Variants in WDFY4 observed in about 807,000 individuals in gnomAD.
WDFY4 encodes WDFY family member 4.
A neutral mutation model predicts 351.9 loss-of-function variants in WDFY4; 169 were observed. That is an observed-to-expected ratio of 0.48 (90% CI 0.42 to 0.55). The LOEUF (loss-of-function observed/expected upper bound fraction) is 0.55. WDFY4 is among the 20% of genes least tolerant of loss of function. The pLI, the probability that WDFY4 is intolerant of heterozygous loss-of-function variation, is 0.00. For missense variants in WDFY4, 3,803 were observed against 3,935.6 expected (o/e 0.97, Z 0.90); for synonymous variants, 1,622 against 1,574.6 (o/e 1.03, Z -0.71).
intron 13 of WDFY4, among the ~76,000 whole-genome samples, chr10:48,773,374 T>C (rs2065929123): frequency 6.6e-6 from 1 of 152,228 alleles, no homozygotes; most frequent in Admixed American, 6.5e-5. Flanking sequence ...CGACATCTTA[T>C]CCAGCAACAA....
intron 1 of WDFY4, among the ~76,000 whole-genome samples, chr10:48,687,084 G>A (rs1206796510): frequency 2.0e-5 from 3 of 152,054 alleles, no homozygotes; most frequent in African/African-American, 7.2e-5. Flanking sequence ...AGCTATCTTA[G>A]CATGTTTTTA....
rs185887642 is a variant in WDFY4, at chr10:48,688,624, C to G, written c.-18+3623C>G. ...GACTGATTCTTGTTCAAAATGCAAG[C>G]ATTTTAAACAAGAATCATTTTAGGT... On this transcript the variant is annotated intron_variant, in intron 1 of 61. Transcript: ENST00000325239. Among the ~76,000 whole-genome samples, 232 of 152,076 alleles carry G rather than the reference C, an allele frequency of 1.5e-3. 1 individual carries two copies. Among genetic ancestry groups the G allele is most frequent in the African/African-American group, 5.4e-3 (226 of 41,482 alleles).
intron 2 of WDFY4, among the ~76,000 whole-genome samples, chr10:48,716,509 A>T (rs779222363): frequency 2.6e-5 from 4 of 152,216 alleles, no homozygotes; most frequent in Non-Finnish European, 5.9e-5. Context: ...GCCTTTTGGA[A>T]GCTGCCTTAA....
At chr10:48,977,856 T>C (rs1233319857) in intron 59 of WDFY4, among the ~76,000 whole-genome samples, 3 of 152,162 alleles carry the variant, frequency 2.0e-5, no homozygotes, top group Non-Finnish European at 4.4e-5. Context: ...TGAGAAGCCA[T>C]TTTGAGTGAG....
At chr10:48,794,564 G>A (rs1010031714) in intron 23 of WDFY4, among the ~76,000 whole-genome samples, 46 of 152,086 alleles carry the variant, frequency 3.0e-4, no homozygotes, top group Non-Finnish European at 4.6e-4. Flanking sequence ...AAAAGAAGCT[G>A]TACAGAGAGA....
chr10:48,764,707 TG>T (rs2065614275), intron 13 of WDFY4, among the ~76,000 whole-genome samples: 2 of 152,256 alleles, frequency 1.3e-5, no homozygotes, highest in African/African-American at 4.8e-5. Context: ...GGAGCCAGAC[TG>T]TGTAGCTGCC....
At chr10:48,818,206 C>T (rs1413787956) in intron 32 of WDFY4, among the ~76,000 whole-genome samples, 1 of 152,176 alleles carries the variant, frequency 6.6e-6, no homozygotes, top group Non-Finnish European at 1.5e-5. Flanking sequence ...CTAACCGTGT[C>T]TTCCTGCAAG....
chr10:48,808,188 T>TA (rs2067322795), intron 28 of WDFY4, among the ~76,000 whole-genome samples: 2 of 152,226 alleles, frequency 1.3e-5, no homozygotes, highest in African/African-American at 4.8e-5. Context: ...ACAGATTTGG[T>TA]ATAATTACAA....
At chr10:48,737,309 C>G (rs2064702799) in intron 11 of WDFY4, among the ~76,000 whole-genome samples, 1 of 151,884 alleles carries the variant, frequency 6.6e-6, no homozygotes, top group Non-Finnish European at 1.5e-5. Context: ...CGTGCCTGGC[C>G]AACACGCTCA....
chr10:48,883,765 C>T (rs898087212), intron 43 of WDFY4, among the ~76,000 whole-genome samples: 11 of 152,190 alleles, frequency 7.2e-5, no homozygotes, highest in African/African-American at 2.7e-4. Context: ...ATCATCCTGG[C>T]CCTGGGGGAT....
intron 43 of WDFY4, among the ~76,000 whole-genome samples, chr10:48,886,647 C>A (rs535355475): frequency 6.6e-6 from 1 of 152,188 alleles, no homozygotes; most frequent in Non-Finnish European, 1.5e-5. Context: ...TCCACCAGAA[C>A]CAATAGCCAA....
intron 14 of WDFY4, among the ~76,000 whole-genome samples, 197 bp from the exon 15 acceptor site, chr10:48,775,515 A>G (rs1483202788): frequency 1.3e-5 from 2 of 152,168 alleles, no homozygotes; most frequent in East Asian, 1.9e-4. Context: ...TGAGGCTCCT[A>G]AACTTACCAG....
chr10:48,787,949 T>TCC, intron 20 of WDFY4, among the ~76,000 whole-genome samples: 1 of 110,484 alleles, frequency 9.1e-6, no homozygotes, highest in Non-Finnish European at 1.8e-5. Context: ...CTTCTTCTTC[T>TCC]TCTTCTTCTT....
At chr10:48,694,499 C>G (rs2063279970) in intron 1 of WDFY4, among the ~76,000 whole-genome samples, 2 of 152,088 alleles carry the variant, frequency 1.3e-5, no homozygotes, top group Non-Finnish European at 2.9e-5. Context: ...TAGAGCATCC[C>G]TTTACCCGTC....
At chr10:48,780,175 C>G in intron 19 of WDFY4, 56 bp downstream of exon 19, 1 of 1,523,256 alleles carries the variant, frequency 6.6e-7, no homozygotes, top group African/African-American at 1.4e-5. Flanking sequence ...CTGCTACTAC[C>G]CTGAAGTGGC....
At chr10:48,969,605 G>A (rs532089082) in intron 56 of WDFY4, among the ~76,000 whole-genome samples, 1 of 152,248 alleles carries the variant, frequency 6.6e-6, no homozygotes, top group East Asian at 1.9e-4. Context: ...GACACATGTT[G>A]AGCATTTGGG....
chr10:48,808,889 C>A (rs1347597323), intron 28 of WDFY4, among the ~76,000 whole-genome samples: 1 of 152,168 alleles, frequency 6.6e-6, no homozygotes, highest in Non-Finnish European at 1.5e-5. Flanking sequence ...TACTTAAGCC[C>A]TGTATGCCTC....
chr10:48,775,381 C>A (rs190264747), intron 14 of WDFY4, among the ~76,000 whole-genome samples: 9 of 152,280 alleles, frequency 5.9e-5, no homozygotes, highest in Admixed American at 3.3e-4. Flanking sequence ...GACCCAGGGG[C>A]GGGCACGACA....
At position 48,982,892 on chromosome 10, in the gene WDFY4, T is replaced by G; in HGVS notation, c.*317T>G. On this transcript the variant is annotated 3_prime_UTR_variant, in exon 62 of 62. Coordinates refer to ENST00000325239, the MANE Select transcript of WDFY4 (RefSeq NM_001394531.1). ...GCTATTGCACTGAAAAAAAAAAAGA[T>G]GGGTCGCTTACTGGAAATTATTGTA... 2.6e-6 allele frequency: 1 copy of G among 386,516 alleles called. No individual in the cohort carries two copies. The highest frequency in any genetic ancestry group is 2.0e-5 in the South Asian group (1 of 49,714). The allele number at this position is 386,516 out of a possible 1,614,324, so 23.9% of individuals were successfully genotyped here. A position where few individuals can be genotyped will look rare whatever the true frequency, so the allele number is the denominator to read the frequency against.
Sources: gnomAD v4.1 joint callset for allele counts (sites outside exome capture counted in the v4.1 genomes callset) on GRCh38, gnomAD v4.1.1 for gene constraint, MANE v1.5 for transcripts, NCBI Gene and HGNC (gene_info 2026-07-23, HGNC 2026-07-21) for gene names.